The following CACNA1C variants were observed in gnomAD, a reference collection of about 807,000 sequenced individuals.
CACNA1C encodes voltage-dependent L-type calcium channel subunit alpha-1C.
Under a neutral mutation model 229.0 loss-of-function variants are expected in CACNA1C, and 30 were observed. That is an observed-to-expected ratio of 0.13 (90% CI 0.10 to 0.18). The LOEUF is 0.18. CACNA1C is among the 10% of genes least tolerant of loss of function. The probability of loss-of-function intolerance (pLI) is 1.00; values close to 1 mark genes in which losing one functional copy is unlikely to be tolerated. For missense variants in CACNA1C, 1,658 were observed against 2,845.0 expected (o/e 0.58, Z 9.49); for synonymous variants, 1,114 against 1,132.5 (o/e 0.98, Z 0.33).
At chr12:2,612,223 T>A (rs1389035372) in intron 29 of CACNA1C, 2 of 540,536 alleles carry the variant, frequency 3.7e-6, no homozygotes, top group African/African-American at 3.8e-5. Flanking sequence ...GCTCTCAGTG[T>A]TGACCCTGGC....
intron 3 of CACNA1C, among the ~76,000 whole-genome samples, chr12:2,308,857 A>G (rs898775818): frequency 6.6e-6 from 1 of 152,244 alleles, no homozygotes; most frequent in African/African-American, 2.4e-5. Flanking sequence ...TGAGGATATG[A>G]AAACAAGGGA....
At chr12:2,380,637 G>A (rs1284751399) in intron 3 of CACNA1C, among the ~76,000 whole-genome samples, 2 of 152,206 alleles carry the variant, frequency 1.3e-5, no homozygotes, top group African/African-American at 4.8e-5. Flanking sequence ...CAAGGGGTTT[G>A]TCCAAGTGAG....
At chr12:2,041,079 G>A (rs1464707537) in intron 1 of CACNA1C, among the ~76,000 whole-genome samples, 2 of 152,150 alleles carry the variant, frequency 1.3e-5, no homozygotes, top group Non-Finnish European at 2.9e-5. Flanking sequence ...TTCTGAGGCT[G>A]AGAAAAATTC....
chr12:2,407,876 AT>A (rs1181993198), intron 3 of CACNA1C, among the ~76,000 whole-genome samples: 1 of 152,176 alleles, frequency 6.6e-6, no homozygotes, highest in Non-Finnish European at 1.5e-5. Flanking sequence ...TCCTTTGCTT[AT>A]TTTTATATTA....
intron 4 of CACNA1C, among the ~76,000 whole-genome samples, chr12:2,455,128 C>G (rs2099409480): frequency 6.6e-6 from 1 of 152,222 alleles, no homozygotes; most frequent in Admixed American, 6.5e-5. Flanking sequence ...TATGTCATCA[C>G]ATTTTCTGCC....
chr12:2,475,028 G>C (rs1273838387), intron 5 of CACNA1C, among the ~76,000 whole-genome samples: 1 of 151,936 alleles, frequency 6.6e-6, no homozygotes. Context: ...GGCTGGGCGC[G>C]GTGGCTCACG....
rs372777163 is a variant in CACNA1C, at chr12:2,166,721, G to T, written c.477+46291G>T. Among the ~76,000 whole-genome samples the T allele has an allele frequency of 2.6e-5, 4 of 152,328 alleles. No homozygotes were observed. In the East Asian group the frequency reaches 7.7e-4, roughly 29 times the overall value. ...ATTGTGCCTGCCTCACACCATACAG[G>T]CACTCAATAAAAGTTAGCTGAAATT... On this transcript the variant is annotated intron_variant, in intron 3 of 46. Coordinates refer to ENST00000399655, the MANE Select transcript of CACNA1C (RefSeq NM_000719.7).
Position 2,601,405 on chromosome 12 carries a change from C to G in CACNA1C, c.2854-449C>G, listed in dbSNP as rs1280783206. On this transcript the variant is annotated intron_variant, in intron 21 of 46. Coordinates refer to ENST00000399655, the MANE Select transcript of CACNA1C (RefSeq NM_000719.7). The surrounding 1 kb of genome is among the most constrained non-coding windows in gnomAD (Gnocchi z 5.9). Reference sequence around the variant, plus strand: ...CATGCCCCGCCCCCCAACCCACCCACTCACGGCAGATGTCTGGTGCTCTCA... The same window carrying G: ...CATGCCCCGCCCCCCAACCCACCCAGTCACGGCAGATGTCTGGTGCTCTCA... 6.6e-6 allele frequency among the ~76,000 whole-genome samples: 1 copy of G among 152,094 alleles called. No homozygotes were observed. The highest frequency in any genetic ancestry group is 1.5e-5 in the Non-Finnish European group (1 of 68,008).
chr12:1,971,261 A>T lies in CACNA1C; in HGVS notation c.139+60A>T. On this transcript the variant is annotated intron_variant, in intron 1 of 46. Transcript: ENST00000682462. The surrounding 1 kb of genome is among the most constrained non-coding windows in gnomAD (Gnocchi z 4.2). ...GAACATGTTGAAATTTACTCTAAAT[A>T]TCCTAATGATACCTAGAATGTGACT... 2.3e-6 allele frequency: 2 copies of T among 878,006 alleles called. No individual in the cohort carries two copies. Among genetic ancestry groups the T allele is most frequent in the Middle Eastern group, 3.0e-4 (1 of 3,284 alleles). The allele number at this position is 878,006 out of a possible 1,614,324, so 54.4% of individuals were successfully genotyped here. A position where few individuals can be genotyped will look rare whatever the true frequency, so the allele number is the denominator to read the frequency against.
intron 1 of CACNA1C, among the ~76,000 whole-genome samples, chr12:2,030,502 C>G (rs1178151405): frequency 6.6e-6 from 1 of 152,054 alleles, no homozygotes; most frequent in African/African-American, 2.4e-5. Flanking sequence ...TTGGGCTGTG[C>G]TGAGGAAGTA....
intron 5 of CACNA1C, among the ~76,000 whole-genome samples, chr12:2,478,301 A>G (rs2099641508): frequency 6.6e-6 from 1 of 152,166 alleles, no homozygotes. Flanking sequence ...ACTGCTTGAG[A>G]GCATCTGATA....
intron 1 of CACNA1C, among the ~76,000 whole-genome samples, chr12:2,099,467 G>A (rs1420115738): frequency 6.6e-6 from 1 of 152,044 alleles, no homozygotes; most frequent in Non-Finnish European, 1.5e-5. Flanking sequence ...TGCTGGGGAT[G>A]AGGAGGAAGT....
chr12:2,167,260 G>C (rs551825859), intron 3 of CACNA1C, among the ~76,000 whole-genome samples: 1 of 152,322 alleles, frequency 6.6e-6, no homozygotes, highest in Non-Finnish European at 1.5e-5. Flanking sequence ...CCTAAGATTA[G>C]ATGAGTGAGA....
chr12:2,481,947 G>C (rs1860096), intron 5 of CACNA1C, among the ~76,000 whole-genome samples: 2 of 152,254 alleles, frequency 1.3e-5, no homozygotes, highest in African/African-American at 4.8e-5. Flanking sequence ...GCTTATCAGC[G>C]GTGAGCATGG....
intron 3 of CACNA1C, among the ~76,000 whole-genome samples, chr12:2,391,946 C>T (rs1020574268): frequency 1.3e-5 from 2 of 152,230 alleles, no homozygotes; most frequent in African/African-American, 4.8e-5. Flanking sequence ...TGCACAGCAC[C>T]GGCACAGAGC....
chr12:2,207,934 T>A (rs1168673140), intron 3 of CACNA1C, among the ~76,000 whole-genome samples: 7 of 152,210 alleles, frequency 4.6e-5, no homozygotes, highest in African/African-American at 1.4e-4. Flanking sequence ...GGTCCCTATC[T>A]TCAAGGCGTG....
Position 2,216,436 on chromosome 12 carries a change from T to G in CACNA1C, c.477+96006T>G, listed in dbSNP as rs1443780776. On this transcript the variant is annotated intron_variant, in intron 3 of 46. Transcript: ENST00000399655. ...GCTTCAACTGGAGGAGGTAAGGCCGTGGAGCGAATGTTTCAGTTGGAATGC... is the reference window on the plus strand; with the variant it reads ...GCTTCAACTGGAGGAGGTAAGGCCGGGGAGCGAATGTTTCAGTTGGAATGC... Among the ~76,000 whole-genome samples the G allele has an allele frequency of 5.9e-5, 9 of 152,304 alleles. No homozygotes were observed. The East Asian group carries it at 1.5e-3, about 26-fold the overall frequency.
intron 1 of CACNA1C, among the ~76,000 whole-genome samples, chr12:2,073,069 G>A (rs955687093): frequency 1.3e-5 from 2 of 152,120 alleles, no homozygotes; most frequent in Non-Finnish European, 2.9e-5. Flanking sequence ...GCGGCAACAC[G>A]GACCATTGTT....
intron 29 of CACNA1C, among the ~76,000 whole-genome samples, chr12:2,617,876 A>G (rs775141401): frequency 3.3e-5 from 5 of 152,218 alleles, no homozygotes; most frequent in Non-Finnish European, 7.3e-5. Flanking sequence ...TAGAGAAACA[A>G]CAGCCCAGTT....
Sources: gnomAD v4.1 joint callset for allele counts (sites outside exome capture counted in the v4.1 genomes callset) on GRCh38, gnomAD v4.1.1 for gene constraint, Gnocchi (gnomAD v3.1) non-coding constraint, MANE v1.5 for transcripts, NCBI Gene and HGNC (gene_info 2026-07-23, HGNC 2026-07-21) for gene names.